LARP1B: variants seen among roughly 807,000 people sequenced by gnomAD.
The protein encoded by LARP1B is la-related protein 1B.
In LARP1B, 76 loss-of-function variants were observed where a neutral mutation model predicts 114.2. That is an observed-to-expected ratio of 0.67 (90% CI 0.55 to 0.81). LARP1B has a LOEUF of 0.81. Among genes scored for constraint, LARP1B ranks in the 30% least tolerant of loss-of-function variants. The pLI is 0.00. For synonymous variants in LARP1B, 345 were observed against 348.0 expected (o/e 0.99, Z 0.10); for missense variants, 1,014 against 1,075.8 (o/e 0.94, Z 0.80).
Position 128,122,895 on chromosome 4 carries a change from T to C in LARP1B, c.1524+707T>C, listed in dbSNP as rs143714604. The stretch of plus-strand genomic sequence containing the variant: ...ATTCCTTCAATATGAATTATAATGG[T>C]ACAGATATGGGGATAAAAGGAATCT... On this transcript the variant is annotated intron_variant, in intron 11 of 19. Coordinates refer to ENST00000326639, the MANE Select transcript of LARP1B (RefSeq NM_018078.4). 4.1e-5 allele frequency: 41 copies of C among 996,476 alleles called. No individual in the cohort carries two copies. In the African/African-American group the frequency reaches 6.6e-4, roughly 16 times the overall value. 61.7% of individuals were successfully genotyped at this position (996,476 alleles called of 1,614,324 possible). A position where few individuals can be genotyped will look rare whatever the true frequency, so the allele number is the denominator to read the frequency against.
chr4:128,217,764 A>AT (rs1271035615), intron 6 of LARP1B, among the ~76,000 whole-genome samples: 1 of 120,934 alleles, frequency 8.3e-6, no homozygotes, highest in Non-Finnish European at 1.7e-5. Flanking sequence ...CACCGCTCCT[A>AT]TTCAACATAG....
In LARP1B at chr4:128,091,079, G is replaced by A; in HGVS notation, c.437G>A (p.Gly146Asp). ...SVRSEGGNIR[G>D]SFRGRGRGRG... ...AGAAGTGAGGGTGGTAATATCCGAG[G>A]TTCCTTTAGAGGTCGAGGAAGAGGC... The change falls in exon 6 of 20, where the codon GGT becomes GAT. Residue 146 changes from glycine (G) to aspartate (D), a missense_variant. Transcript: ENST00000326639. The A allele has an allele frequency of 6.2e-7, 1 of 1,613,986 alleles. No individual in the cohort carries two copies. The highest frequency in any genetic ancestry group is 8.5e-7 in the Non-Finnish European group (1 of 1,179,896).
intron 8 of LARP1B, among the ~76,000 whole-genome samples, chr4:128,101,056 G>A (rs926706837): frequency 2.6e-5 from 4 of 151,312 alleles, no homozygotes; most frequent in Non-Finnish European, 5.9e-5. Context: ...TATCTCAGGT[G>A]ATCCACCTGC....
rs950214119 is a variant in LARP1B, at chr4:128,179,507, T to C, written c.1998T>C (p.Ser666=). The change falls in exon 15 of 20, where the codon TCT becomes TCC. Residue 666 remains serine, a synonymous_variant. Coordinates refer to ENST00000326639, the MANE Select transcript of LARP1B (RefSeq NM_018078.4). The stretch of plus-strand genomic sequence containing the variant: ...GAGACCGTGGGCCAGGAACATCCTC[T>C]GTCAGGTACTATATTTCTCAAACAT... The part of the protein sequence containing the change: ...DSRDRGPGTS[S]VSTSNASPSE... 1.1e-5 allele frequency: 17 copies of C among 1,575,036 alleles called. No homozygotes were observed. The highest frequency in any genetic ancestry group is 4.7e-5 in the South Asian group (4 of 85,252).
At chr4:128,079,774 A>G (rs1410003407) in intron 4 of LARP1B, among the ~76,000 whole-genome samples, 2 of 151,846 alleles carry the variant, frequency 1.3e-5, no homozygotes, top group Admixed American at 1.3e-4. Flanking sequence ...CATGTTGGCC[A>G]GGCTGGTCTT....
intron 11 of LARP1B, among the ~76,000 whole-genome samples, chr4:128,138,281 CA>C (rs1412015320): frequency 6.6e-6 from 1 of 151,926 alleles, no homozygotes; most frequent in Non-Finnish European, 1.5e-5. Context: ...AGTTACTAAC[CA>C]TACAGAAATT....
chr4:128,088,455 T>A (rs749353889), intron 5 of LARP1B, among the ~76,000 whole-genome samples: 1 of 152,224 alleles, frequency 6.6e-6, no homozygotes, highest in Non-Finnish European at 1.5e-5. Context: ...TTGGTTGTAT[T>A]ACTGTAAGTC....
chr4:128,206,128 T>TA (rs1285480378), intron 17 of LARP1B, among the ~76,000 whole-genome samples: 1 of 152,048 alleles, frequency 6.6e-6, no homozygotes, highest in Non-Finnish European at 1.5e-5. Flanking sequence ...CCGTCTCTAC[T>TA]AAAAATACAA....
chr4:128,109,203 T>TA (rs1260663621), intron 9 of LARP1B, among the ~76,000 whole-genome samples: 1 of 152,160 alleles, frequency 6.6e-6, no homozygotes, highest in Non-Finnish European at 1.5e-5. Context: ...TGGAGAGTAG[T>TA]ATGTCACCAA....
At chr4:128,155,841 C>G in intron 11 of LARP1B, 1 of 1,567,108 alleles carries the variant, frequency 6.4e-7, no homozygotes, top group Non-Finnish European at 8.8e-7. Context: ...AGCGAGAGAT[C>G]GAGGAGCTGC....
At chr4:128,216,683 G>C (rs1227925837), downstream of LARP1B, among the ~76,000 whole-genome samples, 4 of 149,890 alleles carry the variant, frequency 2.7e-5, no homozygotes, top group African/African-American at 7.3e-5. Context: ...ATGCCTACAA[G>C]AGAAAGCAGG....
chr4:128,168,538 AT>A (rs1742151006), intron 12 of LARP1B, among the ~76,000 whole-genome samples: 1 of 151,738 alleles, frequency 6.6e-6, no homozygotes, highest in South Asian at 2.1e-4. Context: ...TTATATTTTC[AT>A]TTTTTAGGTA....
chr4:128,142,258 C>A (rs1486828846), intron 11 of LARP1B, among the ~76,000 whole-genome samples: 1 of 152,132 alleles, frequency 6.6e-6, no homozygotes, highest in East Asian at 1.9e-4. Flanking sequence ...ATCATTCTTA[C>A]CCTGTCCACC....
chr4:128,096,313 C>T (rs184357215), intron 7 of LARP1B, among the ~76,000 whole-genome samples: 3 of 152,220 alleles, frequency 2.0e-5, no homozygotes, highest in Admixed American at 2.0e-4. Context: ...ATAATTTAAA[C>T]ATGTATTTCT....
chr4:128,063,647 C>T (rs1468010613), intron 1 of LARP1B, among the ~76,000 whole-genome samples: 1 of 149,970 alleles, frequency 6.7e-6, no homozygotes, highest in Non-Finnish European at 1.5e-5. Flanking sequence ...GGCGTGGTGG[C>T]GCATGCCTGT....
chr4:128,112,883 A>G (rs1454341346), intron 9 of LARP1B, among the ~76,000 whole-genome samples: 3 of 152,128 alleles, frequency 2.0e-5, no homozygotes, highest in Non-Finnish European at 2.9e-5. Context: ...GGTTGAGTCC[A>G]TGTGTCCAAG....
At chr4:128,161,558 C>G (rs1738517507) in intron 11 of LARP1B, among the ~76,000 whole-genome samples, 1 of 152,140 alleles carries the variant, frequency 6.6e-6, no homozygotes, top group South Asian at 2.1e-4. Context: ...TAGCTTTCTC[C>G]AACTTCCTCA....
chr4:128,069,414 T>G, intron 1 of LARP1B: 1 of 761,486 alleles, frequency 1.3e-6, no homozygotes, highest in South Asian at 1.3e-5. Flanking sequence ...AACTGGGTGC[T>G]TTCGGCCACC....
chr4:128,081,122 A>G (rs548955186), intron 4 of LARP1B, among the ~76,000 whole-genome samples: 1 of 144,128 alleles, frequency 6.9e-6, no homozygotes, highest in East Asian at 2.1e-4. Context: ...TCTGTCACCC[A>G]GGCTAGAGTG....
Sources: allele counts gnomAD v4.1 joint callset (sites outside exome capture counted in the v4.1 genomes callset), GRCh38; gene constraint gnomAD v4.1.1; transcripts MANE v1.5; gene names NCBI Gene and HGNC (gene_info 2026-07-23, HGNC 2026-07-21).